Variants in CSMD1 observed in about 807,000 individuals in gnomAD.
CSMD1 encodes CUB and Sushi multiple domains 1.
Under a neutral mutation model 417.5 loss-of-function variants are expected in CSMD1, and 213 were observed. The observed-to-expected ratio is 0.51, with a 90% CI of 0.46 to 0.57. The LOEUF (loss-of-function observed/expected upper bound fraction) is 0.57, where lower values mean the gene tolerates loss of function less well. CSMD1 is among the 20% of genes least tolerant of loss of function. The pLI is 0.00. For missense variants in CSMD1, 6,923 were observed against 4,529.7 expected, an observed-to-expected ratio of 1.53 and a Z score of -15.17; for synonymous variants, 2,862 against 1,736.8, an observed-to-expected ratio of 1.65 and a Z score of -16.11.
intron 2 of CSMD1, among the ~76,000 whole-genome samples, chr8:4,481,149 G>T (rs1016342762): frequency 8.5e-5 from 13 of 152,310 alleles, no homozygotes; most frequent in Non-Finnish European, 1.6e-4. Flanking sequence ...AGCCACACAT[G>T]TAAGATTCCG....
At chr8:3,595,817 C>G (rs1413455025) in intron 8 of CSMD1, among the ~76,000 whole-genome samples, 3 of 152,174 alleles carry the variant, frequency 2.0e-5, no homozygotes, top group Admixed American at 2.0e-4. Context: ...CACGTTCACC[C>G]ACCTATCTAT....
intron 3 of CSMD1, among the ~76,000 whole-genome samples, chr8:4,154,386 T>C (rs778577290): frequency 6.6e-6 from 1 of 152,352 alleles, no homozygotes; most frequent in Non-Finnish European, 1.5e-5. Context: ...ATATCTCTAA[T>C]CTATTGTATA....
intron 3 of CSMD1, among the ~76,000 whole-genome samples, chr8:4,351,316 C>G (rs1038784459): frequency 6.6e-6 from 1 of 152,218 alleles, no homozygotes; most frequent in Non-Finnish European, 1.5e-5. Context: ...CTAAATGTTT[C>G]TCCAGCTATA....
intron 1 of CSMD1, among the ~76,000 whole-genome samples, chr8:4,646,600 GAT>G (rs1276802395): frequency 1.3e-5 from 2 of 152,196 alleles, no homozygotes; most frequent in African/African-American, 2.4e-5. Flanking sequence ...TTTCTGTGTA[GAT>G]ATATGAGTGC....
intron 2 of CSMD1, among the ~76,000 whole-genome samples, chr8:4,632,752 G>C (rs1051124027): frequency 6.6e-6 from 1 of 152,164 alleles, no homozygotes; most frequent in Non-Finnish European, 1.5e-5. Context: ...CAAAGAAAAT[G>C]TACGTGGGTT....
At chr8:3,493,445 A>G (rs1316294887) in intron 11 of CSMD1, among the ~76,000 whole-genome samples, 178 bp downstream of exon 11, 1 of 152,166 alleles carries the variant, frequency 6.6e-6, no homozygotes, top group Non-Finnish European at 1.5e-5. Context: ...ACATACTCCT[A>G]AATTATACTC....
At chr8:3,585,801 A>G (rs1333327463) in intron 9 of CSMD1, among the ~76,000 whole-genome samples, 2 of 152,188 alleles carry the variant, frequency 1.3e-5, no homozygotes, top group Admixed American at 6.5e-5. Flanking sequence ...CGGGGTGCAC[A>G]GAAACCTTTC....
intron 7 of CSMD1, among the ~76,000 whole-genome samples, chr8:3,704,356 C>T (rs73658212): frequency 0.12 from 18,625 of 152,148 alleles, 1,134 homozygotes; most frequent in Non-Finnish European, 0.14. Context: ...GGCATATACC[C>T]AGTGGGCTCC....
chr8:4,011,335 C>T (rs1816518593), intron 4 of CSMD1, among the ~76,000 whole-genome samples: 1 of 152,180 alleles, frequency 6.6e-6, no homozygotes, highest in Non-Finnish European at 1.5e-5. Context: ...CAATTGCCCC[C>T]ATTCAAAAAC....
chr8:4,299,102 G>A (rs532689905), intron 3 of CSMD1, among the ~76,000 whole-genome samples: 52 of 152,210 alleles, frequency 3.4e-4, no homozygotes, highest in African/African-American at 1.2e-3. Context: ...GAGGGAAGAA[G>A]GTGATAGAAT....
chr8:4,064,192 G>A (rs1357938580), intron 3 of CSMD1, among the ~76,000 whole-genome samples: 2 of 152,180 alleles, frequency 1.3e-5, no homozygotes, highest in Admixed American at 6.5e-5. Context: ...GACATTAGGA[G>A]CTTTCACCAT....
At chr8:4,404,821 G>C (rs906731550) in intron 3 of CSMD1, among the ~76,000 whole-genome samples, 3 of 152,134 alleles carry the variant, frequency 2.0e-5, no homozygotes, top group African/African-American at 7.2e-5. Flanking sequence ...TACACAGTAA[G>C]TGAGGCAATA....
At chr8:4,143,285 C>T (rs1384748550) in intron 3 of CSMD1, among the ~76,000 whole-genome samples, 1 of 150,882 alleles carries the variant, frequency 6.6e-6, no homozygotes, top group Non-Finnish European at 1.5e-5. Flanking sequence ...ATTTCTCCTT[C>T]AGGCCACAGC....
intron 20 of CSMD1, among the ~76,000 whole-genome samples, chr8:3,364,697 C>A (rs1428027151): frequency 1.3e-5 from 2 of 152,150 alleles, no homozygotes; most frequent in Non-Finnish European, 2.9e-5. Context: ...GCGATTCTCC[C>A]CTTTCTGACC....
intron 2 of CSMD1, among the ~76,000 whole-genome samples, chr8:4,485,314 AC>A (rs1311907084): frequency 6.6e-6 from 1 of 152,156 alleles, no homozygotes; most frequent in African/African-American, 2.4e-5. Flanking sequence ...TGAAATTTTT[AC>A]CAACCAAACT....
At chr8:3,904,925 C>T (rs1233795226) in intron 5 of CSMD1, among the ~76,000 whole-genome samples, 2 of 152,142 alleles carry the variant, frequency 1.3e-5, no homozygotes, top group Non-Finnish European at 2.9e-5. Flanking sequence ...GTGTGAGCCA[C>T]TGCACCCAGC....
intron 26 of CSMD1, among the ~76,000 whole-genome samples, chr8:3,251,629 C>T (rs539730417): frequency 1.3e-5 from 2 of 152,144 alleles, no homozygotes; most frequent in Non-Finnish European, 2.9e-5. Context: ...ATGGGGATGG[C>T]TTTGAATCTA....
chr8:4,249,392 C>T (rs1028319167), intron 3 of CSMD1, among the ~76,000 whole-genome samples: 3 of 152,152 alleles, frequency 2.0e-5, no homozygotes, highest in African/African-American at 7.2e-5. Flanking sequence ...CCACAGAAAA[C>T]AACTTTTGCA....
At chr8:4,930,867 G>C (rs749268318) in intron 1 of CSMD1, among the ~76,000 whole-genome samples, 4 of 152,278 alleles carry the variant, frequency 2.6e-5, no homozygotes, top group African/African-American at 4.8e-5. Context: ...TTAATAAAGG[G>C]TTCCCAGAAT....
Sources: allele counts gnomAD v4.1 joint callset (sites outside exome capture counted in the v4.1 genomes callset), GRCh38; gene constraint gnomAD v4.1.1; transcripts MANE v1.5; gene names NCBI Gene and HGNC (gene_info 2026-07-23, HGNC 2026-07-21).